ZNF638: variants seen among roughly 807,000 people sequenced by gnomAD.
ZNF638 encodes zinc finger protein 638, also known as CTCL tumor antigen se33-1.
ZNF638 carries 46 observed loss-of-function variants against 195.6 expected under a neutral mutation model. The ratio of observed to expected loss-of-function variants is 0.24; its 90% CI spans 0.19 to 0.30. ZNF638 has a LOEUF of 0.30. Ranked by LOEUF, ZNF638 falls within the 10% of genes least tolerant of loss-of-function variation. The pLI is 1.00. For missense variants in ZNF638, 2,440 were observed against 2,325.3 expected, an observed-to-expected ratio of 1.05 and a Z score of -1.01; for synonymous variants, 845 against 772.0, an observed-to-expected ratio of 1.09 and a Z score of -1.57.
At chr2:71,431,644 A>C (rs962742882) in intron 26 of ZNF638, among the ~76,000 whole-genome samples, 1 of 152,074 alleles carries the variant, frequency 6.6e-6, no homozygotes, top group Admixed American at 6.5e-5. Context: ...CCTGTAGTCC[A>C]AGCTACTCGG....
chr2:71,361,489 A>G (rs903817324), intron 3 of ZNF638, among the ~76,000 whole-genome samples: 3 of 152,240 alleles, frequency 2.0e-5, no homozygotes, highest in Non-Finnish European at 4.4e-5. Flanking sequence ...GCTTTGAATC[A>G]CTGTAAGACT....
At chr2:71,407,891 G>T (rs373810210) in intron 19 of ZNF638, 1 of 359,946 alleles carries the variant, frequency 2.8e-6, no homozygotes, top group African/African-American at 2.1e-5. Flanking sequence ...TCTGTTTTAC[G>T]CATGTAACAC....
chr2:71,393,090 C>T (rs187965886), intron 10 of ZNF638, among the ~76,000 whole-genome samples: 1 of 152,326 alleles, frequency 6.6e-6, no homozygotes, highest in Admixed American at 6.5e-5. Flanking sequence ...ATTCCACAGG[C>T]ATCCCGTATA....
chr2:71,347,739 AGT>A (rs2078874757), intron 1 of ZNF638, among the ~76,000 whole-genome samples: 1 of 152,210 alleles, frequency 6.6e-6, no homozygotes, highest in Non-Finnish European at 1.5e-5. Context: ...TGAAGGGGGT[AGT>A]ACAGTCTGAT....
In ZNF638 at chr2:71,426,584, T is replaced by G; in HGVS notation, c.4715T>G (p.Val1572Gly). ...KGKRKETLKNVPFSELNLKKK... is the reference protein window; with the variant it reads ...KGKRKETLKNGPFSELNLKKK... ...AAAAGGAAAGAAACTCTCAAAAATG[T>G]TCCTTTCTCTGAACTTAACTTAAAG... Residue 1572 changes from valine to glycine, a missense_variant, in exon 24 of 28, where the codon GTT becomes GGT. Physicochemically the swap from Val to Gly is moderately radical, Grantham distance 109 (BLOSUM62 -3). Around this residue, in one of 5 missense-constraint regions of ZNF638, gnomAD observed 1,883 missense variants for 1,739.1 expected, o/e 1.08. Transcript: ENST00000264447. The G allele has an allele frequency of 6.2e-7, 1 of 1,614,130 alleles. No individual in the cohort carries two copies. Among genetic ancestry groups the G allele is most frequent in the Non-Finnish European group, 8.5e-7 (1 of 1,180,018 alleles).
chr2:71,342,990 T>C lies in ZNF638; in HGVS notation c.-202-5763T>C, dbSNP rs149392614. Among the ~76,000 whole-genome samples, 611 of 152,348 alleles carry C rather than the reference T, an allele frequency of 4.0e-3. 5 individuals carry two copies. Among genetic ancestry groups the C allele is most frequent in the African/African-American group, 0.014 (571 of 41,578 alleles). ...CTTACAGTATTTTATCCAAAGACTTTAGGATACTCCAAATTTTTGAAAATT... is the reference window on the plus strand; with the variant it reads ...CTTACAGTATTTTATCCAAAGACTTCAGGATACTCCAAATTTTTGAAAATT... On this transcript the variant is annotated intron_variant, in intron 1 of 27. Coordinates refer to ENST00000264447, the MANE Select transcript of ZNF638 (RefSeq NM_014497.5).
rs190301563 is a variant in ZNF638 at position 71,427,866 on chromosome 2, G to A, written c.5545+452G>A. On this transcript the variant is annotated intron_variant, in intron 24 of 27. Transcript: ENST00000264447. The stretch of plus-strand genomic sequence containing the variant: ...AGAATAGTACGGCAGCTCACTTTCC[G>A]AACTTGAGGGAGATAAACATAATTT... 1.7e-3 allele frequency among the ~76,000 whole-genome samples: 266 copies of A among 152,176 alleles called. 3 individuals carry two copies. Among genetic ancestry groups the A allele is most frequent in the East Asian group, 6.2e-3 (32 of 5,182 alleles).
At chr2:71,346,396 CTT>C (rs2078851211) in intron 1 of ZNF638, among the ~76,000 whole-genome samples, 1 of 152,136 alleles carries the variant, frequency 6.6e-6, no homozygotes, top group African/African-American at 2.4e-5. Context: ...TACAAATGAA[CTT>C]TTTAACAGAA....
rs2078572901 is a variant in ZNF638 at position 71,331,810 on chromosome 2, C to T, written c.-268C>T. On this transcript the variant is annotated 5_prime_UTR_variant, in exon 1 of 28. Coordinates refer to ENST00000264447, the MANE Select transcript of ZNF638 (RefSeq NM_014497.5). Reference sequence around the variant, plus strand: ...GGCGGTAGCGTTTTCGGCGTCGAGACTGGAGGCTGAGTGCTAAACTGTGTG... The same window carrying T: ...GGCGGTAGCGTTTTCGGCGTCGAGATTGGAGGCTGAGTGCTAAACTGTGTG... The T allele has an allele frequency of 1.0e-6, 1 of 986,020 alleles. No individual in the cohort carries two copies. The highest frequency in any genetic ancestry group is 1.2e-6 in the Non-Finnish European group (1 of 830,194). The allele number at this position is 986,020 out of a possible 1,614,324, so 61.1% of individuals were successfully genotyped here. A position where few individuals can be genotyped will look rare whatever the true frequency, so the allele number is the denominator to read the frequency against.
intron 10 of ZNF638, chr2:71,393,521 C>T (rs903144364): frequency 2.4e-5 from 17 of 717,792 alleles, no homozygotes; most frequent in Admixed American, 1.0e-4. Context: ...CTTCCTCAGA[C>T]GACACAAGCC....
At chr2:71,343,171 A>C (rs376983542) in intron 1 of ZNF638, among the ~76,000 whole-genome samples, 6 of 152,184 alleles carry the variant, frequency 3.9e-5, no homozygotes, top group African/African-American at 1.4e-4. Flanking sequence ...AATACTGACA[A>C]ACGTTACTGA....
At chr2:71,345,930 A>G (rs2078843650) in intron 1 of ZNF638, among the ~76,000 whole-genome samples, 1 of 152,210 alleles carries the variant, frequency 6.6e-6, no homozygotes, top group Non-Finnish European at 1.5e-5. Flanking sequence ...GTACTCTAGT[A>G]TTCTGGAGAA....
chr2:71,400,063 A>G, intron 13 of ZNF638, 49 bp from the exon 14 acceptor site: 2 of 1,434,468 alleles, frequency 1.4e-6, no homozygotes, highest in Non-Finnish European at 1.9e-6. Flanking sequence ...TCATTAGTTT[A>G]ATTATATTAG....
chr2:71,347,543 A>G (rs2078871086), intron 1 of ZNF638, among the ~76,000 whole-genome samples: 1 of 152,216 alleles, frequency 6.6e-6, no homozygotes, highest in Non-Finnish European at 1.5e-5. Flanking sequence ...TGTTTATAAC[A>G]ATTGTAGATG....
chr2:71,358,378 C>G (rs1256315415), intron 3 of ZNF638, among the ~76,000 whole-genome samples: 1 of 152,178 alleles, frequency 6.6e-6, no homozygotes, highest in African/African-American at 2.4e-5. Flanking sequence ...TAATCAGTTT[C>G]CCCTAATACC....
At chr2:71,410,388 G>A (rs368653007) in intron 20 of ZNF638, among the ~76,000 whole-genome samples, 48 of 151,860 alleles carry the variant, frequency 3.2e-4, no homozygotes, top group African/African-American at 1.1e-3. Flanking sequence ...TTGTGTGTGT[G>A]TGTGTGTAGA....
intron 11 of ZNF638, 117 bp from the exon 12 acceptor site, chr2:71,398,584 T>G (rs754167046): frequency 3.4e-5 from 28 of 823,002 alleles, no homozygotes; most frequent in Non-Finnish European, 5.2e-5. Context: ...TGATAGCATT[T>G]TATGTTTTGA....
Position 71,349,514 on chromosome 2 carries a change from C to G in ZNF638, c.560C>G (p.Pro187Arg), listed in dbSNP as rs762069453. 1.9e-6 allele frequency: 3 copies of G among 1,614,104 alleles called. No homozygotes were observed. The highest frequency in any genetic ancestry group is 2.2e-5 in the South Asian group (2 of 91,074). ...ATGCGAAAAATGGGGCGCCGATTAC[C>G]TAATTTACCTTCTCAGAGCAGAAAT... ...IRMRKMGRRL[P>R]NLPSQSRNKE... The change falls in exon 2 of 28, where the codon CCT (proline) becomes CGT (arginine). Residue 187 changes from proline to arginine, a missense_variant. Pro to Arg is a moderately radical substitution (Grantham distance 103, BLOSUM62 -2). Transcript: ENST00000264447.
intron 8 of ZNF638, among the ~76,000 whole-genome samples, chr2:71,378,739 G>T (rs976044411): frequency 2.0e-5 from 3 of 152,208 alleles, no homozygotes; most frequent in South Asian, 2.1e-4. Context: ...AGTTGGGGAA[G>T]ATCTCATTGA....
Sources: allele counts gnomAD v4.1 joint callset (sites outside exome capture counted in the v4.1 genomes callset), GRCh38; gene constraint gnomAD v4.1.1; regional missense constraint gnomAD v4.1.1; transcripts MANE v1.5; gene names NCBI Gene and HGNC (gene_info 2026-07-23, HGNC 2026-07-21).